The following PRRC2C variants were observed in gnomAD, a reference collection of about 807,000 sequenced individuals.
The protein encoded by PRRC2C is protein PRRC2C.
A neutral mutation model predicts 317.2 loss-of-function variants in PRRC2C; 72 were observed. The observed-to-expected ratio is 0.23, with a 90% CI of 0.19 to 0.28. The LOEUF (loss-of-function observed/expected upper bound fraction) is 0.28. Ranked by LOEUF, PRRC2C falls within the 10% of genes least tolerant of loss-of-function variation. PRRC2C has a pLI of 1.00. For synonymous variants in PRRC2C, 1,296 were observed against 1,205.9 expected (o/e 1.07, Z -1.55); for missense variants, 3,074 against 3,459.7 (o/e 0.89, Z 2.80).
At chr1:171,556,031 C>T (rs1268112551) in intron 18 of PRRC2C, among the ~76,000 whole-genome samples, 1 of 152,170 alleles carries the variant, frequency 6.6e-6, no homozygotes, top group African/African-American at 2.4e-5. Context: ...CCAGAGCATA[C>T]AGAGTCTACA....
At chr1:171,567,093 A>T (rs966313903) in intron 22 of PRRC2C, among the ~76,000 whole-genome samples, 2 of 152,244 alleles carry the variant, frequency 1.3e-5, no homozygotes, top group African/African-American at 4.8e-5. Context: ...AGTGAAAAAC[A>T]TCTATACAAA....
intron 17 of PRRC2C, 22 bp downstream of exon 17, chr1:171,545,709 TTTTATTTA>T (rs57131009): frequency 0.15 from 122,491 of 804,290 alleles, 9,788 homozygotes; most frequent in East Asian, 0.19. Flanking sequence ...GTTTCTTTCA[TTTTATTTA>T]TTTATTTATT....
chr1:171,585,328 A>C (rs1434380946), intron 30 of PRRC2C, among the ~76,000 whole-genome samples: 1 of 152,194 alleles, frequency 6.6e-6, no homozygotes, highest in African/African-American at 2.4e-5. Flanking sequence ...ATAAATGACA[A>C]ACACTTTCTT....
chr1:171,572,828 C>T (rs948845401), intron 24 of PRRC2C, among the ~76,000 whole-genome samples: 10 of 152,172 alleles, frequency 6.6e-5, no homozygotes, highest in Non-Finnish European at 1.2e-4. Flanking sequence ...TTGCCTTTCA[C>T]TCATGTTTTT....
Position 171,557,968 on chromosome 1 carries a change from T to G in PRRC2C, c.5856T>G (p.Ser1952=). 1 of 1,612,454 alleles carries G rather than the reference T, an allele frequency of 6.2e-7. No individual in the cohort carries two copies. The highest frequency in any genetic ancestry group is 8.5e-7 in the Non-Finnish European group (1 of 1,179,358). The part of the protein sequence containing the change: ...VQNPLQTTSQ[S]SKQPPPSIRL... ...ATCCACTACAGACTACATCTCAGTC[T>G]TCAAAACAACCACCACCATCAATTA... is the stretch of plus-strand genomic sequence containing the variant. The change falls in exon 19 of 35, where the codon TCT becomes TCG. Residue 1952 remains serine (S), a synonymous_variant. Transcript: ENST00000647382.
intron 1 of PRRC2C, among the ~76,000 whole-genome samples, chr1:171,491,846 T>G (rs1046472148): frequency 7.2e-5 from 11 of 152,174 alleles, no homozygotes; most frequent in Admixed American, 3.3e-4. Context: ...TTTGTAATTT[T>G]GGGGTTTAAA....
intron 15 of PRRC2C, 86 bp from the exon 16 acceptor site, chr1:171,539,884 TC>T (rs1677647746): frequency 8.9e-7 from 1 of 1,129,462 alleles, no homozygotes; most frequent in South Asian, 1.5e-5. Flanking sequence ...GTCATTGCTT[TC>T]TGTTTTAGAG....
chr1:171,531,841 A>G (rs936820840), intron 11 of PRRC2C, among the ~76,000 whole-genome samples: 2 of 152,198 alleles, frequency 1.3e-5, no homozygotes, highest in East Asian at 1.9e-4. Flanking sequence ...TTGGGGTATC[A>G]TTACAGCACT....
chr1:171,528,493 G>A (rs955225625), intron 11 of PRRC2C, among the ~76,000 whole-genome samples: 6 of 150,938 alleles, frequency 4.0e-5, no homozygotes, highest in Non-Finnish European at 7.4e-5. Flanking sequence ...GGGTTTCACC[G>A]TGTTAGCCAG....
In PRRC2C at chr1:171,545,483, T is replaced by G. The variant is rs1452497374; in HGVS notation, c.4768T>G (p.Phe1590Val). The part of the protein sequence containing the change: ...PPSKSGKRGP[F>V]DDQPAGTTGV... ...TCTCAAGTTATTTTTTTGTAGGCCA[T>G]TTGATGACCAGCCTGCAGGCACAAC... Residue 1590 changes from phenylalanine (F) to valine (V), a missense_variant, in exon 17 of 35, where the codon TTT (phenylalanine) becomes GTT (valine). Physicochemically the swap from Phe to Val is conservative, Grantham distance 50. Around this residue, in one of 11 missense-constraint regions of PRRC2C, gnomAD observed 178 missense variants for 163.0 expected, o/e 1.09. Transcript: ENST00000647382. 9.6e-6 allele frequency: 15 copies of G among 1,560,352 alleles called. No individual in the cohort carries two copies. The highest frequency in any genetic ancestry group is 1.9e-5 in the Admixed American group (1 of 51,690).
intron 14 of PRRC2C, among the ~76,000 whole-genome samples, chr1:171,536,927 A>T (rs1361582900): frequency 6.6e-6 from 1 of 152,220 alleles, no homozygotes; most frequent in Non-Finnish European, 1.5e-5. Flanking sequence ...AATTTTCATG[A>T]TGTTTGTATT....
intron 11 of PRRC2C, among the ~76,000 whole-genome samples, chr1:171,531,642 TGCAA>T (rs1675913544): frequency 6.6e-6 from 1 of 152,222 alleles, no homozygotes. Flanking sequence ...TTTGCATAGT[TGCAA>T]GCAGTGATTT....
intron 20 of PRRC2C, among the ~76,000 whole-genome samples, chr1:171,563,969 G>A (rs1683164505): frequency 6.6e-6 from 1 of 152,090 alleles, no homozygotes; most frequent in Non-Finnish European, 1.5e-5. Flanking sequence ...AGTCAGTGGT[G>A]GAGCAAGATA....
In PRRC2C at chr1:171,540,920, A is replaced by T. The variant is rs892530521; in HGVS notation, c.3454A>T (p.Arg1152Trp). The change falls in exon 16 of 35, where the codon AGG (arginine) becomes TGG (tryptophan). Residue 1152 changes from arginine to tryptophan, a missense_variant. Arg to Trp is a moderately radical substitution (Grantham distance 101). This residue lies in a region of PRRC2C where 1,320 missense variants were observed against 1,395.7 expected (regional missense o/e 0.95). Coordinates refer to ENST00000647382, the MANE Select transcript of PRRC2C (RefSeq NM_001387844.1). ...KVISKDLVIERPRPDSRPAVK... is the reference protein window; with the variant it reads ...KVISKDLVIEWPRPDSRPAVK... ...CATCAGCAAAGACCTTGTTATAGAG[A>T]GGCCTCGACCAGATTCAAGACCAGC... is the stretch of plus-strand genomic sequence containing the variant. The T allele has an allele frequency of 5.6e-6, 9 of 1,613,764 alleles. No individual in the cohort carries two copies. The highest frequency in any genetic ancestry group is 1.3e-5 in the African/African-American group (1 of 74,914).
Position 171,490,763 on chromosome 1 carries a change from G to C in PRRC2C, c.-58+5028G>C, listed in dbSNP as rs143652023. Among the ~76,000 whole-genome samples, 239 of 152,284 alleles carry C rather than the reference G, an allele frequency of 1.6e-3. 8 individuals carry two copies. In the East Asian group the frequency reaches 0.043, roughly 27 times the overall value. Reference sequence around the variant, plus strand: ...CCTTGGTGACCTTAAAATAATCTAGGTCAAGTTACAAAAGTGGAAGGTTAA... The same window carrying C: ...CCTTGGTGACCTTAAAATAATCTAGCTCAAGTTACAAAAGTGGAAGGTTAA... On this transcript the variant is annotated intron_variant, in intron 1 of 34. Coordinates refer to ENST00000647382, the MANE Select transcript of PRRC2C (RefSeq NM_001387844.1).
intron 1 of PRRC2C, among the ~76,000 whole-genome samples, chr1:171,492,511 C>T (rs2102040982): frequency 6.6e-6 from 1 of 152,038 alleles, no homozygotes; most frequent in East Asian, 1.9e-4. Context: ...GCACTGTGTT[C>T]TACATATGGA....
intron 11 of PRRC2C, among the ~76,000 whole-genome samples, chr1:171,531,012 C>G (rs1675752275): frequency 1.3e-5 from 2 of 152,132 alleles, no homozygotes; most frequent in African/African-American, 4.8e-5. Flanking sequence ...ATACATGAAA[C>G]AACGTGCCCA....
chr1:171,516,803 TG>T (rs1672461380), intron 5 of PRRC2C, among the ~76,000 whole-genome samples: 1 of 152,104 alleles, frequency 6.6e-6, no homozygotes, highest in African/African-American at 2.4e-5. Context: ...GTGTAGCTCT[TG>T]GCTCTTTAGT....
At chr1:171,506,600 T>TA (rs1670270080) in intron 1 of PRRC2C, among the ~76,000 whole-genome samples, 1 of 74,742 alleles carries the variant, frequency 1.3e-5, no homozygotes, top group East Asian at 5.2e-4. Flanking sequence ...TCACTTAAGG[T>TA]CTTTTTTTTT....
Sources: allele counts gnomAD v4.1 joint callset (sites outside exome capture counted in the v4.1 genomes callset), GRCh38; gene constraint gnomAD v4.1.1; regional missense constraint gnomAD v4.1.1; transcripts MANE v1.5; gene names NCBI Gene and HGNC (gene_info 2026-07-23, HGNC 2026-07-21).